PPP2R2A: variants seen among roughly 807,000 people sequenced by gnomAD.
The protein encoded by PPP2R2A is protein phosphatase 2 regulatory subunit Balpha.
Under a neutral mutation model 53.2 loss-of-function variants are expected in PPP2R2A, and 9 were observed. That is an observed-to-expected ratio of 0.17 (90% CI 0.10 to 0.30). The LOEUF (loss-of-function observed/expected upper bound fraction) is 0.30, where lower values mean the gene tolerates loss of function less well. Ranked by LOEUF, PPP2R2A falls within the 10% of genes least tolerant of loss-of-function variation. The pLI, the probability that PPP2R2A is intolerant of heterozygous loss-of-function variation, is 1.00. For synonymous variants in PPP2R2A, 169 were observed against 174.2 expected, an observed-to-expected ratio of 0.97 and a Z score of 0.23; for missense variants, 235 against 534.6, an observed-to-expected ratio of 0.44 and a Z score of 5.53.
chr8:26,347,050 T>A (rs1804253934), intron 3 of PPP2R2A, among the ~76,000 whole-genome samples: 1 of 152,212 alleles, frequency 6.6e-6, no homozygotes, highest in Non-Finnish European at 1.5e-5. Flanking sequence ...TTGCATTAAA[T>A]TCCCAAAGTT....
chr8:26,359,942 G>A (rs1205808656), intron 4 of PPP2R2A, among the ~76,000 whole-genome samples: 1 of 152,068 alleles, frequency 6.6e-6, no homozygotes. Flanking sequence ...TCTGTGACTT[G>A]ATTTGACTAT....
chr8:26,359,487 A>C (rs1804964719), intron 4 of PPP2R2A, among the ~76,000 whole-genome samples: 1 of 152,226 alleles, frequency 6.6e-6, no homozygotes, highest in Non-Finnish European at 1.5e-5. Context: ...ATCTAAACTT[A>C]ATTGTAAAAC....
chr8:26,294,038 TA>T (rs1801430275), intron 2 of PPP2R2A, among the ~76,000 whole-genome samples: 1 of 152,216 alleles, frequency 6.6e-6, no homozygotes, highest in South Asian at 2.1e-4. Flanking sequence ...CTTTGTTATG[TA>T]AATTCCACAT....
chr8:26,338,825 T>G lies in PPP2R2A; in HGVS notation c.83-65T>G, dbSNP rs1803796881. 1.7e-6 allele frequency: 2 copies of G among 1,156,690 alleles called. No individual in the cohort carries two copies. The highest frequency in any genetic ancestry group is 2.5e-6 in the Non-Finnish European group (2 of 792,354). The allele number at this position is 1,156,690 out of a possible 1,614,324, so 71.7% of individuals were successfully genotyped here. ...GGAATGTTTGGGAAAACACGCTAAG[T>G]TCTGAAACTAGTGAGTCGGGAAAGA... On this transcript the variant is annotated intron_variant, in intron 2 of 9. Transcript: ENST00000380737. The surrounding 1 kb of genome is among the most constrained non-coding windows in gnomAD (Gnocchi z 4.5).
At chr8:26,332,933 C>G (rs1274878480) in intron 2 of PPP2R2A, among the ~76,000 whole-genome samples, 2 of 152,158 alleles carry the variant, frequency 1.3e-5, no homozygotes, top group African/African-American at 4.8e-5. Flanking sequence ...AGTCCTGAGT[C>G]TGACAGTTGA....
At chr8:26,327,346 A>G (rs1222466189) in intron 2 of PPP2R2A, among the ~76,000 whole-genome samples, 1 of 152,208 alleles carries the variant, frequency 6.6e-6, no homozygotes, top group Non-Finnish European at 1.5e-5. Context: ...AAATAAGTTA[A>G]TTAATCCCAA....
At position 26,370,400 on chromosome 8, in the gene PPP2R2A, A is replaced by G; in HGVS notation, c.1331A>G (p.Asp444Gly). 1 of 1,613,906 alleles carries G rather than the reference A, an allele frequency of 6.2e-7. No individual in the cohort carries two copies. The highest frequency in any genetic ancestry group is 8.5e-7 in the Non-Finnish European group (1 of 1,179,798). Reference sequence around the variant, plus strand: ...ACAAACAATCTGTATATATTTCAAGACAAAGTGAATTAGGGTTGGCATTCC... The same window carrying G: ...ACAAACAATCTGTATATATTTCAAGGCAAAGTGAATTAGGGTTGGCATTCC... ...ATTNNLYIFQ[D>G]KVN Residue 444 changes from aspartate to glycine, a missense_variant, in exon 10 of 10, where the codon GAC (aspartate) becomes GGC (glycine). Around this residue, in one of 3 missense-constraint regions of PPP2R2A, gnomAD observed 181 missense variants for 409.9 expected, o/e 0.44. Coordinates refer to ENST00000380737, the MANE Select transcript of PPP2R2A (RefSeq NM_002717.4). This position sits in a 1 kb window ranked among gnomAD's most constrained non-coding sequence, Gnocchi z 6.1.
At chr8:26,299,261 CAAA>C (rs5890307) in intron 2 of PPP2R2A, among the ~76,000 whole-genome samples, 1 of 145,286 alleles carries the variant, frequency 6.9e-6, no homozygotes. Context: ...GACTCTGTTT[CAAA>C]AAAAAAAAAG....
At chr8:26,335,050 A>G (rs925842829) in intron 2 of PPP2R2A, among the ~76,000 whole-genome samples, 2 of 152,192 alleles carry the variant, frequency 1.3e-5, no homozygotes, top group African/African-American at 4.8e-5. Context: ...GGATGCTTAC[A>G]ACTAGGGCTT....
chr8:26,306,493 A>C (rs896672332), intron 2 of PPP2R2A, among the ~76,000 whole-genome samples: 144 of 151,294 alleles, frequency 9.5e-4, no homozygotes, highest in African/African-American at 2.7e-3. Context: ...AAAAAAAAAA[A>C]AGTTTTCTAG....
intron 1 of PPP2R2A, chr8:26,293,461 TC>T: frequency 1.4e-6 from 1 of 697,262 alleles, no homozygotes. Flanking sequence ...TTTAAATATT[TC>T]GTACCTGGAA....
At chr8:26,355,413 A>G (rs1804723079) in intron 4 of PPP2R2A, among the ~76,000 whole-genome samples, 1 of 152,080 alleles carries the variant, frequency 6.6e-6, no homozygotes, top group Non-Finnish European at 1.5e-5. Flanking sequence ...CTAATTTTTT[A>G]AAAACATTTT....
intron 2 of PPP2R2A, among the ~76,000 whole-genome samples, chr8:26,309,735 C>T (rs1802188546): frequency 6.6e-6 from 1 of 152,104 alleles, no homozygotes; most frequent in Admixed American, 6.5e-5. Flanking sequence ...AGTATTGTGT[C>T]TCCAGGAGGC....
chr8:26,324,732 G>A (rs1451236888), intron 2 of PPP2R2A, among the ~76,000 whole-genome samples: 2 of 152,116 alleles, frequency 1.3e-5, no homozygotes, highest in African/African-American at 4.8e-5. Context: ...AAAAGCTGCA[G>A]ACAATCCACA....
intron 2 of PPP2R2A, among the ~76,000 whole-genome samples, chr8:26,335,125 G>C (rs998530862): frequency 6.6e-6 from 1 of 152,228 alleles, no homozygotes. Flanking sequence ...CCGGTATGCA[G>C]TGGCACATAC....
At chr8:26,333,514 T>C in intron 2 of PPP2R2A, 1 of 1,228,696 alleles carries the variant, frequency 8.1e-7, no homozygotes, top group Non-Finnish European at 1.1e-6. Flanking sequence ...AGTCCTCAAG[T>C]GGAATTATGA....
At position 26,354,694 on chromosome 8, in the gene PPP2R2A, A is replaced by G; in HGVS notation, c.346+61A>G. ...TGTGTACCTGTTGCACATATCCTGTAGCCTAGGAGAGGAATCATTTAACAG... is the reference window on the plus strand; with the variant it reads ...TGTGTACCTGTTGCACATATCCTGTGGCCTAGGAGAGGAATCATTTAACAG... On this transcript the variant is annotated intron_variant, in intron 4 of 9. Transcript: ENST00000380737. The surrounding 1 kb of genome is among the most constrained non-coding windows in gnomAD (Gnocchi z 4.6). 1 of 1,307,480 alleles carries G rather than the reference A, an allele frequency of 7.6e-7. No individual in the cohort carries two copies. Among genetic ancestry groups the G allele is most frequent in the African/African-American group, 1.5e-5 (1 of 66,814 alleles). 81.0% of individuals were successfully genotyped at this position (1,307,480 alleles called of 1,614,324 possible). A position where few individuals can be genotyped will look rare whatever the true frequency, so the allele number is the denominator to read the frequency against.
chr8:26,301,038 C>T (rs148808801), intron 2 of PPP2R2A, among the ~76,000 whole-genome samples: 28 of 152,164 alleles, frequency 1.8e-4, no homozygotes, highest in Non-Finnish European at 3.4e-4. Context: ...TCACAAATAC[C>T]CTGTGAAATA....
At chr8:26,353,880 C>T (rs2117378932) in intron 3 of PPP2R2A, among the ~76,000 whole-genome samples, 1 of 152,164 alleles carries the variant, frequency 6.6e-6, no homozygotes, top group African/African-American at 2.4e-5. Flanking sequence ...TGATTGGTAG[C>T]AAAGCTGTCT....
Sources: gnomAD v4.1 joint callset for allele counts (sites outside exome capture counted in the v4.1 genomes callset) on GRCh38, gnomAD v4.1.1 for gene constraint, gnomAD v4.1.1 regional missense constraint, Gnocchi (gnomAD v3.1) non-coding constraint, MANE v1.5 for transcripts, NCBI Gene and HGNC (gene_info 2026-07-23, HGNC 2026-07-21) for gene names.